Variants in CCDC170 observed in about 807,000 individuals in gnomAD.
CCDC170 encodes the protein coiled-coil domain-containing protein 170.
CCDC170 carries 69 observed loss-of-function variants against 72.6 expected under a neutral mutation model. That is an observed-to-expected ratio of 0.95 (90% confidence interval 0.78 to 1.16). CCDC170 has a LOEUF of 1.16. Among genes scored for constraint, CCDC170 ranks in the 50% most tolerant of loss-of-function variants. The pLI is 0.00. For missense variants in CCDC170, 852 were observed against 832.5 expected (o/e 1.02, Z -0.29); for synonymous variants, 300 against 303.9 (o/e 0.99, Z 0.13).
chr6:151,564,977 C>T (rs888983316), intron 5 of CCDC170, among the ~76,000 whole-genome samples: 9 of 152,202 alleles, frequency 5.9e-5, no homozygotes, highest in African/African-American at 1.9e-4. Flanking sequence ...TTAGTGGCTG[C>T]AGCTGTAGGC....
rs778361529 is a variant in CCDC170, at chr6:151,538,058, G to A, written c.200G>A (p.Arg67Gln). The change falls in exon 3 of 11, where the codon CGA becomes CAA. Residue 67 changes from arginine (R) to glutamine (Q), a missense_variant. By Grantham distance (43) the Arg-to-Gln change is conservative. Transcript: ENST00000239374. ...TTTCCATGTTAGCTTCAAGACCTCC[G>A]ATCCAAGATGCTTTCTAAAGAAGTC... ...ECAQSELQDL[R>Q]SKMLSKEVSC... 1.2e-5 allele frequency: 19 copies of A among 1,605,908 alleles called. No individual in the cohort carries two copies. Among genetic ancestry groups the A allele is most frequent in the South Asian group, 1.0e-4 (9 of 89,522 alleles).
intron 4 of CCDC170, among the ~76,000 whole-genome samples, chr6:151,547,549 G>A (rs1370657764): frequency 2.0e-5 from 3 of 152,086 alleles, no homozygotes; most frequent in Non-Finnish European, 4.4e-5. Flanking sequence ...TGAGTTGGGA[G>A]TGGGGCACCA....
chr6:151,538,404 C>T, intron 3 of CCDC170, 103 bp downstream of exon 3: 1 of 1,164,496 alleles, frequency 8.6e-7, no homozygotes, highest in Non-Finnish European at 1.2e-6. Flanking sequence ...CATTACTTGG[C>T]CCTTAAACTC....
intron 9 of CCDC170, among the ~76,000 whole-genome samples, chr6:151,604,962 A>T (rs1463529447): frequency 6.6e-6 from 1 of 152,146 alleles, no homozygotes; most frequent in Non-Finnish European, 1.5e-5. Flanking sequence ...AACTAGAATC[A>T]CCCTATAGTG....
At chr6:151,610,991 G>A (rs146126304) in intron 9 of CCDC170, among the ~76,000 whole-genome samples, 111 of 152,172 alleles carry the variant, frequency 7.3e-4, no homozygotes, top group African/African-American at 2.5e-3. Flanking sequence ...GTCTGCCATC[G>A]GCCTCCTCTC....
intron 6 of CCDC170, among the ~76,000 whole-genome samples, chr6:151,582,271 C>A (rs766965183): frequency 2.0e-5 from 3 of 152,224 alleles, no homozygotes; most frequent in Non-Finnish European, 2.9e-5. Context: ...GGATAACTTA[C>A]CCCAGCTTCT....
chr6:151,593,236 G>A lies in CCDC170; in HGVS notation c.1423G>A (p.Ala475Thr). ...GCAGCTGGTTCGTCTTGAGAGCAAT[G>A]CAGTCATTGAGAACAAGACCATTGC... ...TEQLVRLESNAVIENKTIAHN... is the reference protein window; with the variant it reads ...TEQLVRLESNTVIENKTIAHN... The change falls in exon 8 of 11, where the codon GCA (alanine) becomes ACA (threonine). Residue 475 changes from alanine (A) to threonine (T), a missense_variant. By Grantham distance (58) the Ala-to-Thr change is moderately conservative (BLOSUM62 0). Coordinates refer to ENST00000239374, the MANE Select transcript of CCDC170 (RefSeq NM_025059.4). 6.2e-7 allele frequency: 1 copy of A among 1,614,174 alleles called. No homozygotes were observed. The highest frequency in any genetic ancestry group is 8.5e-7 in the Non-Finnish European group (1 of 1,180,028).
chr6:151,584,258 GAC>G (rs1163006244), intron 6 of CCDC170, among the ~76,000 whole-genome samples: 2 of 152,180 alleles, frequency 1.3e-5, no homozygotes, highest in African/African-American at 4.8e-5. Context: ...CTCCCTACTG[GAC>G]AGTGTCTTTA....
intron 1 of CCDC170, among the ~76,000 whole-genome samples, chr6:151,524,968 T>C (rs923136667): frequency 1.4e-5 from 2 of 140,124 alleles, no homozygotes; most frequent in African/African-American, 5.5e-5. Context: ...AGTCTCACTC[T>C]ATTGCCCAGG....
intron 5 of CCDC170, among the ~76,000 whole-genome samples, chr6:151,557,074 T>C (rs1311919891): frequency 2.0e-5 from 3 of 152,158 alleles, no homozygotes; most frequent in Admixed American, 2.0e-4. Flanking sequence ...CATTTTTTAA[T>C]GGTTTAATAG....
intron 1 of CCDC170, among the ~76,000 whole-genome samples, chr6:151,536,112 A>G (rs968069383): frequency 6.6e-6 from 1 of 152,150 alleles, no homozygotes; most frequent in Admixed American, 6.5e-5. Flanking sequence ...GGAGCACATC[A>G]TTTGTTCCCG....
At chr6:151,569,207 T>C (rs1041071395) in intron 5 of CCDC170, among the ~76,000 whole-genome samples, 2 of 152,206 alleles carry the variant, frequency 1.3e-5, no homozygotes, top group African/African-American at 4.8e-5. Flanking sequence ...ATAATCATTG[T>C]ACTTTTGAGT....
chr6:151,604,610 T>C (rs1583048073), intron 9 of CCDC170, among the ~76,000 whole-genome samples: 1 of 152,230 alleles, frequency 6.6e-6, no homozygotes, highest in South Asian at 2.1e-4. Flanking sequence ...AAATGGTAAA[T>C]GTTTGAGGCG....
intron 9 of CCDC170, among the ~76,000 whole-genome samples, chr6:151,601,233 T>G (rs1049177149): frequency 6.6e-6 from 1 of 152,150 alleles, no homozygotes; most frequent in African/African-American, 2.4e-5. Flanking sequence ...CTTGTAAAAC[T>G]TATTCACTAT....
intron 1 of CCDC170, among the ~76,000 whole-genome samples, chr6:151,517,075 C>T (rs1382722018): frequency 6.6e-6 from 1 of 152,150 alleles, no homozygotes; most frequent in Non-Finnish European, 1.5e-5. Flanking sequence ...GTGGCTCACG[C>T]CTATAATCCT....
At chr6:151,504,257 C>T (rs1782035061) in intron 1 of CCDC170, among the ~76,000 whole-genome samples, 2 of 151,870 alleles carry the variant, frequency 1.3e-5, no homozygotes, top group South Asian at 4.2e-4. Context: ...ACTTGAGTTC[C>T]TTGGATTATT....
In CCDC170 at chr6:151,538,211, C is replaced by G; in HGVS notation, c.353C>G (p.Ser118Cys). ...LEEESAALST[S>C]KIRTEITAHA... ...GAAGAATCAGCAGCACTTTCCACTT[C>G]TAAAATCAGAACAGAAATCACAGCT... The change falls in exon 3 of 11, where the codon TCT becomes TGT. Residue 118 changes from serine to cysteine, a missense_variant. Transcript: ENST00000239374. 1 of 1,613,770 alleles carries G rather than the reference C, an allele frequency of 6.2e-7. No individual in the cohort carries two copies. The highest frequency in any genetic ancestry group is 1.7e-4 in the Middle Eastern group (1 of 6,058).
intron 4 of CCDC170, among the ~76,000 whole-genome samples, chr6:151,547,928 C>T (rs73783056): frequency 0.024 from 3,723 of 152,252 alleles, 142 homozygotes; most frequent in African/African-American, 0.081. Context: ...CCTCCAGTGC[C>T]ACATGGTGAC....
rs527514968 is a variant in CCDC170 at position 151,508,876 on chromosome 6, G to T, written c.57+14691G>T. Among the ~76,000 whole-genome samples, 11 of 151,952 alleles carry T rather than the reference G, an allele frequency of 7.2e-5. No homozygotes were observed. In the East Asian group the frequency reaches 2.1e-3, roughly 30 times the overall value. ...ACTGAAAATACAAAATTAGCCGGGC[G>T]TGGTGGCGAACGCCTGTAATCCCAG... On this transcript the variant is annotated intron_variant, in intron 1 of 10. Transcript: ENST00000239374.
Sources: gnomAD v4.1 joint callset for allele counts (sites outside exome capture counted in the v4.1 genomes callset) on GRCh38, gnomAD v4.1.1 for gene constraint, MANE v1.5 for transcripts, NCBI Gene and HGNC (gene_info 2026-07-23, HGNC 2026-07-21) for gene names.